NEK7: variants seen among roughly 807,000 people sequenced by gnomAD.
NEK7 encodes NIMA related kinase 7, also known as serine/threonine-protein kinase Nek7.
A neutral mutation model predicts 44.6 loss-of-function variants in NEK7; 18 were observed. The ratio of observed to expected loss-of-function variants is 0.40; its 90% CI spans 0.28 to 0.60. The LOEUF (loss-of-function observed/expected upper bound fraction) is 0.60. Among genes scored for constraint, NEK7 ranks in the 20% least tolerant of loss-of-function variants. The probability of loss-of-function intolerance (pLI) is 0.38; values close to 1 mark genes in which losing one functional copy is unlikely to be tolerated. For synonymous variants in NEK7, 130 were observed against 121.1 expected (o/e 1.07, Z -0.48); for missense variants, 256 against 366.5 (o/e 0.70, Z 2.46).
chr1:198,210,994 C>T (rs549842991), intron 1 of NEK7, among the ~76,000 whole-genome samples: 29 of 151,734 alleles, frequency 1.9e-4, no homozygotes, highest in Non-Finnish European at 3.2e-4. Context: ...CCTCGTGATC[C>T]GCCCGCCTCG....
chr1:198,182,234 A>G (rs1158245116), intron 1 of NEK7, among the ~76,000 whole-genome samples: 1 of 152,204 alleles, frequency 6.6e-6, no homozygotes, highest in Non-Finnish European at 1.5e-5. Flanking sequence ...GCTTTCAGTT[A>G]GAAAGGTGTT....
intron 1 of NEK7, among the ~76,000 whole-genome samples, chr1:198,221,619 T>G (rs1214022020): frequency 6.6e-6 from 1 of 151,764 alleles, no homozygotes; most frequent in African/African-American, 2.4e-5. Flanking sequence ...TATTGGTTTA[T>G]TTTAGGTCAA....
rs1322161526 is a variant in NEK7, at chr1:198,317,164, GGTGATAGCCCTTTT to G, written c.799-2246_799-2233del. Among the ~76,000 whole-genome samples, 13 of 152,272 alleles carry G rather than the reference GGTGATAGCCCTTTT, an allele frequency of 8.5e-5. No individual in the cohort carries two copies. The East Asian group carries it at 2.5e-3, about 29-fold the overall frequency. On this transcript the variant is annotated intron_variant, in intron 9 of 9. Coordinates refer to ENST00000367385, the MANE Select transcript of NEK7 (RefSeq NM_133494.3). ...GTATTTCACATATCTGATTTTATAT[GGTGATAGCCCTTTT>G]GATTCTTCTGGAAAAGGAAACTCTT... is the stretch of plus-strand genomic sequence containing the variant.
intron 1 of NEK7, among the ~76,000 whole-genome samples, chr1:198,205,676 T>G (rs890525535): frequency 1.3e-5 from 2 of 152,252 alleles, no homozygotes; most frequent in Non-Finnish European, 1.5e-5. Context: ...TTTTTTTTTT[T>G]GCTTTCTCAT....
chr1:198,193,357 T>C lies in NEK7; in HGVS notation c.-29+36081T>C, dbSNP rs531929167. On this transcript the variant is annotated intron_variant, in intron 1 of 9. Transcript: ENST00000367385. ...AAAAAAGCCCAGGACCAGACAGATA[T>C]ACAGCTGAAATCTATGGGAGGTACA... 4.1e-4 allele frequency among the ~76,000 whole-genome samples: 63 copies of C among 152,140 alleles called. 2 individuals are homozygous for C. The highest frequency in any genetic ancestry group is 2.1e-4 in the South Asian group (1 of 4,820).
At chr1:198,192,161 T>A (rs1665098581) in intron 1 of NEK7, among the ~76,000 whole-genome samples, 3 of 151,942 alleles carry the variant, frequency 2.0e-5, no homozygotes, top group African/African-American at 7.2e-5. Context: ...TCTTATGTTT[T>A]CAGATTTACT....
chr1:198,212,356 C>G (rs1409712613), intron 1 of NEK7, among the ~76,000 whole-genome samples: 1 of 152,226 alleles, frequency 6.6e-6, no homozygotes, highest in Non-Finnish European at 1.5e-5. Flanking sequence ...TGAGCACAGG[C>G]TGCCTGGAAT....
chr1:198,239,206 G>A (rs1043104766), intron 2 of NEK7, among the ~76,000 whole-genome samples: 7 of 151,842 alleles, frequency 4.6e-5, no homozygotes, highest in Non-Finnish European at 7.4e-5. Context: ...TATATTCCTC[G>A]CCTTATTTCT....
At chr1:198,308,005 C>CT (rs1301415167) in intron 9 of NEK7, among the ~76,000 whole-genome samples, 1 of 152,008 alleles carries the variant, frequency 6.6e-6, no homozygotes, top group Non-Finnish European at 1.5e-5. Flanking sequence ...CAAGTTCCAC[C>CT]TTTAATTTTT....
At chr1:198,299,980 T>A (rs775031798) in intron 9 of NEK7, among the ~76,000 whole-genome samples, 19 of 152,182 alleles carry the variant, frequency 1.2e-4, no homozygotes, top group Non-Finnish European at 2.5e-4. Context: ...ATTATGTGAG[T>A]CTTAGTGTGT....
intron 8 of NEK7, among the ~76,000 whole-genome samples, chr1:198,293,248 T>A (rs1654613059): frequency 6.6e-6 from 1 of 151,956 alleles, no homozygotes; most frequent in Non-Finnish European, 1.5e-5. Flanking sequence ...TGTGTTCTTT[T>A]GATGAGAAGT....
chr1:198,163,256 G>C (rs902659338), intron 1 of NEK7, among the ~76,000 whole-genome samples: 6 of 152,068 alleles, frequency 3.9e-5, no homozygotes, highest in African/African-American at 1.4e-4. Context: ...ACTTTGGGAG[G>C]CCAAGGTGGG....
chr1:198,205,339 C>T (rs1026837773), intron 1 of NEK7, among the ~76,000 whole-genome samples: 15 of 152,172 alleles, frequency 9.9e-5, no homozygotes, highest in African/African-American at 3.4e-4. Flanking sequence ...GTGCCAGTCT[C>T]AAACCTAACT....
At chr1:198,287,932 C>T (rs1433196029) in intron 7 of NEK7, among the ~76,000 whole-genome samples, 6 of 152,124 alleles carry the variant, frequency 3.9e-5, no homozygotes, top group Non-Finnish European at 5.9e-5. Context: ...CATTCAAGCT[C>T]GATATCAGAA....
intron 1 of NEK7, among the ~76,000 whole-genome samples, chr1:198,195,482 A>C (rs1294694101): frequency 6.6e-6 from 1 of 152,224 alleles, no homozygotes; most frequent in Admixed American, 6.5e-5. Flanking sequence ...AATAGAGAGC[A>C]AATATTGACT....
chr1:198,236,012 A>G (rs1443881556), intron 2 of NEK7, among the ~76,000 whole-genome samples: 1 of 152,062 alleles, frequency 6.6e-6, no homozygotes. Flanking sequence ...ACTGTAATCC[A>G]TTTACTATTT....
chr1:198,302,525 T>C (rs564897899), intron 9 of NEK7, among the ~76,000 whole-genome samples: 2 of 152,272 alleles, frequency 1.3e-5, no homozygotes, highest in South Asian at 4.1e-4. Flanking sequence ...AAGAAAAGTC[T>C]TGATTTTCTG....
intron 9 of NEK7, among the ~76,000 whole-genome samples, chr1:198,311,662 T>C (rs1229637072): frequency 6.6e-6 from 1 of 152,250 alleles, no homozygotes; most frequent in Non-Finnish European, 1.5e-5. Context: ...TATTGAATTT[T>C]GTCAAAGGCC....
intron 3 of NEK7, among the ~76,000 whole-genome samples, chr1:198,256,685 A>C (rs1198054515): frequency 6.6e-6 from 1 of 152,068 alleles, no homozygotes; most frequent in Non-Finnish European, 1.5e-5. Context: ...AATGAGACTC[A>C]TGGGATTCTA....
Sources: allele counts gnomAD v4.1 joint callset (sites outside exome capture counted in the v4.1 genomes callset), GRCh38; gene constraint gnomAD v4.1.1; transcripts MANE v1.5; gene names NCBI Gene and HGNC (gene_info 2026-07-23, HGNC 2026-07-21).